Variants in SLC22A25 observed in about 807,000 individuals in gnomAD.
The protein encoded by SLC22A25 is MGI:2442751, MGI:2385316, MGI:3042283, MGI:3645714, MGI:3605624, MGI:2442750.
In SLC22A25, 44 loss-of-function variants were observed where a neutral mutation model predicts 45.9. The ratio of observed to expected loss-of-function variants is 0.96; its 90% CI spans 0.75 to 1.23. SLC22A25 has a LOEUF of 1.23. Among genes scored for constraint, SLC22A25 ranks in the 50% most tolerant of loss-of-function variants. The probability of loss-of-function intolerance (pLI) is 0.00; values close to 1 mark genes in which losing one functional copy is unlikely to be tolerated. For missense variants in SLC22A25, 800 were observed against 666.4 expected, an observed-to-expected ratio of 1.20 and a Z score of -2.21; for synonymous variants, 283 against 238.6, an observed-to-expected ratio of 1.19 and a Z score of -1.72.
intron 11 of SLC22A25, 40 bp from the exon 12 acceptor site, chr11:63,164,113 A>C: frequency 6.5e-7 from 1 of 1,531,704 alleles, no homozygotes; most frequent in East Asian, 2.3e-5. Context: ...GTTGTTAAAA[A>C]TCATACATAT....
At chr11:63,232,288 T>C (rs2090083697) in intron 3 of SLC22A25, among the ~76,000 whole-genome samples, 1 of 152,200 alleles carries the variant, frequency 6.6e-6, no homozygotes, top group Non-Finnish European at 1.5e-5. Flanking sequence ...TTCCATTTGT[T>C]TGTATCCTCT....
intron 9 of SLC22A25, 146 bp from the exon 10 acceptor site, chr11:63,166,404 AT>A (rs2087686684): frequency 6.9e-7 from 1 of 1,446,010 alleles, no homozygotes; most frequent in African/African-American, 1.4e-5. Flanking sequence ...GCAAGTTGAT[AT>A]TTTAAAGTTA....
Position 63,217,357 on chromosome 11 carries a change from A to C in SLC22A25, c.787T>G (p.Leu263Val). Residue 263 changes from leucine (L) to valine (V), a missense_variant, in exon 7 of 12, where the codon TTG becomes GTG. Leu to Val is a conservative substitution (Grantham distance 32, BLOSUM62 1). Coordinates refer to ENST00000306494, the MANE Select transcript of SLC22A25 (RefSeq NM_199352.6). ...ACAAAGCATGGTGCAGACATCACCA[A>C]CTGGAGGATGCACTGGTCTCGAATG... Reference protein sequence around the residue: ...FVIRDQCILQLVMSAPCFVFF... With the variant: ...FVIRDQCILQVVMSAPCFVFF... The C allele has an allele frequency of 1.9e-6, 3 of 1,614,006 alleles. No homozygotes were observed. Among genetic ancestry groups the C allele is most frequent in the East Asian group, 2.2e-5 (1 of 44,850 alleles).
At position 63,215,538 on chromosome 11, in the gene SLC22A25, A is replaced by G. The variant is rs116630310; in HGVS notation, c.830+1776T>C. Among the ~76,000 whole-genome samples, 311 of 152,328 alleles carry G rather than the reference A, an allele frequency of 2.0e-3. 1 individual carries two copies. The highest frequency in any genetic ancestry group is 7.1e-3 in the African/African-American group (296 of 41,574). On this transcript the variant is annotated intron_variant, in intron 7 of 11. Coordinates refer to ENST00000306494, the MANE Select transcript of SLC22A25 (RefSeq NM_199352.6). ...ATGGCACATGTATATCTGTGTAACAAACCTGCACGTTTTGCACATGTATTC... is the reference window on the plus strand; with the variant it reads ...ATGGCACATGTATATCTGTGTAACAGACCTGCACGTTTTGCACATGTATTC...
chr11:63,235,189 C>T (rs192122918), intron 3 of SLC22A25, among the ~76,000 whole-genome samples: 1 of 152,244 alleles, frequency 6.6e-6, no homozygotes, highest in Non-Finnish European at 1.5e-5. Flanking sequence ...GAATGTTGGC[C>T]TGCCTTGCTA....
intron 7 of SLC22A25, among the ~76,000 whole-genome samples, chr11:63,194,959 G>C (rs1263861547): frequency 1.7e-5 from 2 of 119,632 alleles, no homozygotes; most frequent in East Asian, 5.2e-4. Flanking sequence ...ATCCTAGTCT[G>C]TGATAAAACA....
At position 63,217,440 on chromosome 11, in the gene SLC22A25, G is replaced by A. The variant is rs752917649; in HGVS notation, c.704C>T (p.Thr235Ile). The A allele has an allele frequency of 1.2e-6, 2 of 1,613,946 alleles. No individual in the cohort carries two copies. Among genetic ancestry groups the A allele is most frequent in the Admixed American group, 1.7e-5 (1 of 59,930 alleles). The change falls in exon 7 of 12, where the codon ACA becomes ATA. Residue 235 changes from threonine (T) to isoleucine (I), a missense_variant. Thr to Ile is a moderately conservative substitution (Grantham distance 89). Transcript: ENST00000306494. ...AATACTAGCAGCACAAAGTGTCAATGTCAATGCCATGGCACAGAATTGGTG... is the reference window on the plus strand; with the variant it reads ...AATACTAGCAGCACAAAGTGTCAATATCAATGCCATGGCACAGAATTGGTG... ...ITHQFCAMAL[T>I]LTLCAASIGH...
intron 7 of SLC22A25, among the ~76,000 whole-genome samples, chr11:63,207,382 C>T (rs915041610): frequency 6.6e-6 from 1 of 152,040 alleles, no homozygotes; most frequent in African/African-American, 2.4e-5. Context: ...TGGCAAAGGG[C>T]TAATATCCAG....
chr11:63,166,647 T>C (rs1407665298), intron 9 of SLC22A25: 1 of 1,005,020 alleles, frequency 1.0e-6, no homozygotes, highest in Non-Finnish European at 1.2e-6. Context: ...AAACTCACAG[T>C]AAAGATCTAA....
chr11:63,193,340 T>C (rs2088881877), intron 7 of SLC22A25, among the ~76,000 whole-genome samples: 2 of 152,212 alleles, frequency 1.3e-5, no homozygotes, highest in African/African-American at 4.8e-5. Context: ...CCTCCTAAAG[T>C]GGGTCCCTGA....
At chr11:63,191,833 TG>T (rs1284254345) in intron 7 of SLC22A25, among the ~76,000 whole-genome samples, 1 of 152,136 alleles carries the variant, frequency 6.6e-6, no homozygotes, top group Non-Finnish European at 1.5e-5. Flanking sequence ...CAGAAGAGAC[TG>T]AATCTACAAC....
chr11:63,183,727 T>C lies in SLC22A25; in HGVS notation c.921A>G (p.Gly307=). ...TTAGGATGTCTTCAGCATTCTTCAT[T>C]CCATTCCTGTGTGCAGCTTTTCTAA... The part of the protein sequence containing the change: ...KELRKAAHRN[G]MKNAEDILTM... The change falls in exon 8 of 12, where the codon GGA becomes GGG. Residue 307 remains glycine (G), a synonymous_variant. Transcript: ENST00000306494. The C allele has an allele frequency of 6.2e-7, 1 of 1,613,204 alleles. No individual in the cohort carries two copies. The highest frequency in any genetic ancestry group is 8.5e-7 in the Non-Finnish European group (1 of 1,179,346).
chr11:63,211,638 C>T (rs1477694481), intron 7 of SLC22A25, among the ~76,000 whole-genome samples: 2 of 152,110 alleles, frequency 1.3e-5, no homozygotes, highest in Non-Finnish European at 2.9e-5. Flanking sequence ...AACTGGATCC[C>T]TTCCTTACAC....
intron 3 of SLC22A25, among the ~76,000 whole-genome samples, chr11:63,236,287 C>T (rs996888899): frequency 6.6e-6 from 1 of 152,178 alleles, no homozygotes; most frequent in Non-Finnish European, 1.5e-5. Flanking sequence ...GTGGTGGGCT[C>T]CACCCAGTTC....
chr11:63,190,960 G>T (rs2088787238), intron 7 of SLC22A25, among the ~76,000 whole-genome samples: 1 of 152,174 alleles, frequency 6.6e-6, no homozygotes, highest in African/African-American at 2.4e-5. Flanking sequence ...TGCCCCTACT[G>T]GGGGCTGCCT....
At chr11:63,206,980 A>C (rs2089422615) in intron 7 of SLC22A25, among the ~76,000 whole-genome samples, 1 of 152,204 alleles carries the variant, frequency 6.6e-6, no homozygotes, top group Non-Finnish European at 1.5e-5. Context: ...AATTTCACAC[A>C]TCCACAACCA....
chr11:63,193,098 A>T (rs2134758625), intron 7 of SLC22A25, among the ~76,000 whole-genome samples: 1 of 152,234 alleles, frequency 6.6e-6, no homozygotes, highest in East Asian at 1.9e-4. Context: ...AACACCCCTC[A>T]GCAAATGCAA....
chr11:63,198,693 T>C (rs2089140183), intron 7 of SLC22A25, among the ~76,000 whole-genome samples: 1 of 152,102 alleles, frequency 6.6e-6, no homozygotes, highest in Non-Finnish European at 1.5e-5. Context: ...ATTGTGCACA[T>C]GTACCCTAGT....
intron 1 of SLC22A25, among the ~76,000 whole-genome samples, chr11:63,242,077 A>G (rs999807657): frequency 3.3e-5 from 5 of 152,216 alleles, no homozygotes; most frequent in Non-Finnish European, 5.9e-5. Flanking sequence ...TTCCAGTAAG[A>G]GTCACAAGAG....
Sources: allele counts gnomAD v4.1 joint callset (sites outside exome capture counted in the v4.1 genomes callset), GRCh38; gene constraint gnomAD v4.1.1; transcripts MANE v1.5; gene names NCBI Gene and HGNC (gene_info 2026-07-23, HGNC 2026-07-21).